OR2M3: variants seen among roughly 807,000 people sequenced by gnomAD.
The protein encoded by OR2M3 is olfactory receptor family 2 subfamily M member 3.
OR2M3 carries 1 observed loss-of-function variant against 4.3 expected under a neutral mutation model. The observed-to-expected ratio is 0.23, with a 90% confidence interval of 0.08 to 1.11. The LOEUF (loss-of-function observed/expected upper bound fraction) is 1.11. Among genes scored for constraint, OR2M3 ranks in the 50% most tolerant of loss-of-function variants. The pLI is 0.54. For missense variants in OR2M3, 410 were observed against 390.4 expected, an observed-to-expected ratio of 1.05 and a Z score of -0.42; for synonymous variants, 151 against 139.4, an observed-to-expected ratio of 1.08 and a Z score of -0.59.
rs199776326 is a variant in OR2M3 at position 248,203,553 on chromosome 1, A to G, written c.486A>G (p.Ala162=). The G allele has an allele frequency of 1.1e-5, 17 of 1,613,570 alleles. No individual in the cohort carries two copies. Among genetic ancestry groups the G allele is most frequent in the Non-Finnish European group, 1.4e-5 (16 of 1,179,776 alleles). ...CGGATGGAATTATTGATGTTGTAGC[A>G]ACATTTTCCTTCTCCTACTGTGGGT... ...GSTDGIIDVV[A]TFSFSYCGSR... Residue 162 remains alanine, a synonymous_variant, in exon 2 of 2, where the codon GCA becomes GCG. Coordinates refer to ENST00000641626, the MANE Select transcript of OR2M3 (RefSeq NM_001004689.2).
Position 248,204,418 on chromosome 1 carries a change from A to T in OR2M3, c.*412A>T, listed in dbSNP as rs913973766. 1 of 158,300 alleles carries T rather than the reference A, an allele frequency of 6.3e-6. No homozygotes were observed. Among genetic ancestry groups the T allele is most frequent in the African/African-American group, 2.4e-5 (1 of 41,422 alleles). 9.8% of individuals were successfully genotyped at this position (158,300 alleles called of 1,614,324 possible). A position where few individuals can be genotyped will look rare whatever the true frequency, so the allele number is the denominator to read the frequency against. ...CCCCGTATTTCCCTCATGTCCCCAAAGTCCAGTGTATCATTCTTATGACTT... is the reference window on the plus strand; with the variant it reads ...CCCCGTATTTCCCTCATGTCCCCAATGTCCAGTGTATCATTCTTATGACTT... On this transcript the variant is annotated 3_prime_UTR_variant, in exon 2 of 2. Transcript: ENST00000641626.
chr1:248,203,242 A>G lies in OR2M3; in HGVS notation c.175A>G (p.Met59Val). ...IYLDTQLHTP[M>V]YLLLSQLSLM... ...CCTGGACACCCAGCTCCACACCCCC[A>G]TGTACCTCCTCCTCAGCCAACTGTC... The change falls in exon 2 of 2, where the codon ATG (methionine) becomes GTG (valine). Residue 59 changes from methionine (M) to valine (V), a missense_variant. Met to Val is a conservative substitution (Grantham distance 21). Transcript: ENST00000641626. 6.2e-7 allele frequency: 1 copy of G among 1,613,854 alleles called. No homozygotes were observed. Among genetic ancestry groups the G allele is most frequent in the African/African-American group, 1.3e-5 (1 of 74,916 alleles).
chr1:248,197,879 C>T (rs1452661639), intron 1 of OR2M3, among the ~76,000 whole-genome samples: 1 of 151,998 alleles, frequency 6.6e-6, no homozygotes, highest in East Asian at 1.9e-4. Flanking sequence ...ATAAGGTATA[C>T]ATAGAACATA....
In OR2M3 at chr1:248,205,060, T is replaced by C. The variant is rs147925633; in HGVS notation, c.*1054T>C. ...TGTCAAGCATTTTTCTAGATGCTTGTTGGCTATTTATATATATTTATATAT... is the reference window on the plus strand; with the variant it reads ...TGTCAAGCATTTTTCTAGATGCTTGCTGGCTATTTATATATATTTATATAT... On this transcript the variant is annotated 3_prime_UTR_variant, in exon 2 of 2. Coordinates refer to ENST00000641626, the MANE Select transcript of OR2M3 (RefSeq NM_001004689.2). 6.6e-6 allele frequency: 1 copy of C among 152,114 alleles called. No homozygotes were observed. Among genetic ancestry groups the C allele is most frequent in the Non-Finnish European group, 1.5e-5 (1 of 67,990 alleles). The allele number at this position is 152,114 out of a possible 1,614,324, so 9.4% of individuals were successfully genotyped here.
chr1:248,212,799 A>C lies in OR2M3; in HGVS notation c.*8793A>C, dbSNP rs1321621809. 1.3e-5 allele frequency: 2 copies of C among 152,056 alleles called. No individual in the cohort carries two copies. The highest frequency in any genetic ancestry group is 2.9e-5 in the Non-Finnish European group (2 of 67,982). The allele number at this position is 152,056 out of a possible 1,614,324, so 9.4% of individuals were successfully genotyped here. On this transcript the variant is annotated 3_prime_UTR_variant, in exon 2 of 2. Coordinates refer to ENST00000641626, the MANE Select transcript of OR2M3 (RefSeq NM_001004689.2). ...GCAGACAGGACAATATTTATTCTAC[A>C]GAGTGTTGTTTTACAACATCCTATG...
chr1:248,210,834 CT>C lies in OR2M3; in HGVS notation c.*6832del, dbSNP rs1558254961. The C allele has an allele frequency of 6.6e-6, 1 of 152,278 alleles. No individual in the cohort carries two copies. Among genetic ancestry groups the C allele is most frequent in the Admixed American group, 6.5e-5 (1 of 15,284 alleles). The allele number at this position is 152,278 out of a possible 1,614,324, so 9.4% of individuals were successfully genotyped here. A position where few individuals can be genotyped will look rare whatever the true frequency, so the allele number is the denominator to read the frequency against. The stretch of plus-strand genomic sequence containing the variant: ...AATCCCACCACACTTTGCTGATTCT[CT>C]TTTCGGACTCAGCCCACCTGCACCC... On this transcript the variant is annotated 3_prime_UTR_variant, in exon 2 of 2. Coordinates refer to ENST00000641626, the MANE Select transcript of OR2M3 (RefSeq NM_001004689.2).
At chr1:248,197,966 G>A (rs10888324) in intron 1 of OR2M3, among the ~76,000 whole-genome samples, 115,885 of 152,014 alleles carry the variant, frequency 0.76, 44,319 homozygotes, top group South Asian at 0.91. Flanking sequence ...GTGTGAAAAA[G>A]AATCTGAAAT....
chr1:248,203,067 C>T lies in OR2M3; in HGVS notation c.-1C>T, dbSNP rs199907669. ...GGTACTAGGTAAAAAGCATACACAT[C>T]ATGGCAAGGGAGAATTCGACCTTCA... On this transcript the variant is annotated 5_prime_UTR_variant, in exon 2 of 2. Coordinates refer to ENST00000641626, the MANE Select transcript of OR2M3 (RefSeq NM_001004689.2). 1 of 1,609,848 alleles carries T rather than the reference C, an allele frequency of 6.2e-7. No individual in the cohort carries two copies. The highest frequency in any genetic ancestry group is 8.5e-7 in the Non-Finnish European group (1 of 1,177,864).
chr1:248,203,965 G>A lies in OR2M3; in HGVS notation c.898G>A (p.Ala300Thr). ...CCTCCGCAACAAGGAGGTGACCAGA[G>A]CATTCATGAAGATCTTAGGAAAGGG... Reference protein sequence around the residue: ...YSLRNKEVTRAFMKILGKGKS... With the variant: ...YSLRNKEVTRTFMKILGKGKS... Residue 300 changes from alanine to threonine, a missense_variant, in exon 2 of 2, where the codon GCA becomes ACA. Coordinates refer to ENST00000641626, the MANE Select transcript of OR2M3 (RefSeq NM_001004689.2). 5.0e-6 allele frequency: 8 copies of A among 1,613,842 alleles called. No individual in the cohort carries two copies. The highest frequency in any genetic ancestry group is 6.8e-6 in the Non-Finnish European group (8 of 1,179,908).
chr1:248,197,453 C>A (rs1666109207), intron 1 of OR2M3, among the ~76,000 whole-genome samples, 152 bp downstream of exon 1: 1 of 152,040 alleles, frequency 6.6e-6, no homozygotes, highest in Admixed American at 6.6e-5. Flanking sequence ...TTTATCTGTA[C>A]AATATTACTT....
Position 248,204,050 on chromosome 1 carries a change from T to C in OR2M3, c.*44T>C, listed in dbSNP as rs778577355. ...TGTTTTGCTGTGTGCTAAATCCTTT[T>C]TTTAAATGGTCCTATTTTTCCATTA... is the stretch of plus-strand genomic sequence containing the variant. On this transcript the variant is annotated 3_prime_UTR_variant, in exon 2 of 2. Coordinates refer to ENST00000641626, the MANE Select transcript of OR2M3 (RefSeq NM_001004689.2). 1.3e-6 allele frequency: 2 copies of C among 1,588,262 alleles called. No homozygotes were observed. The highest frequency in any genetic ancestry group is 1.7e-6 in the Non-Finnish European group (2 of 1,158,540).
rs915507988 is a variant in OR2M3, at chr1:248,210,662, A to G, written c.*6656A>G. 4.1e-5 allele frequency: 6 copies of G among 147,652 alleles called. No individual in the cohort carries two copies. The highest frequency in any genetic ancestry group is 1.3e-4 in the African/African-American group (5 of 37,562). 9.1% of individuals were successfully genotyped at this position (147,652 alleles called of 1,614,324 possible). ...TTTGTAATCTCCCCCACCCTTAAGA[A>G]GGTTCTTTGTAATCTCCCCAACTCT... On this transcript the variant is annotated 3_prime_UTR_variant, in exon 2 of 2. Coordinates refer to ENST00000641626, the MANE Select transcript of OR2M3 (RefSeq NM_001004689.2).
At chr1:248,198,418 T>A (rs1051431591) in intron 1 of OR2M3, among the ~76,000 whole-genome samples, 2 of 152,184 alleles carry the variant, frequency 1.3e-5, no homozygotes, top group Non-Finnish European at 2.9e-5. Context: ...TTAGTGCACA[T>A]GCAGGTTGCA....
chr1:248,207,314 C>G lies in OR2M3; in HGVS notation c.*3308C>G, dbSNP rs1171616262. On this transcript the variant is annotated 3_prime_UTR_variant, in exon 2 of 2. Transcript: ENST00000641626. The stretch of plus-strand genomic sequence containing the variant: ...TTTGTTTCAATTTCATTTAGTTCTG[C>G]TCTGATCTTCATTATTTCTTTTCTT... The G allele has an allele frequency of 1.3e-5, 2 of 151,764 alleles. No individual in the cohort carries two copies. Among genetic ancestry groups the G allele is most frequent in the Non-Finnish European group, 2.9e-5 (2 of 67,900 alleles). 9.4% of individuals were successfully genotyped at this position (151,764 alleles called of 1,614,324 possible).
chr1:248,198,610 A>C (rs545450705), intron 1 of OR2M3, among the ~76,000 whole-genome samples: 2 of 152,232 alleles, frequency 1.3e-5, no homozygotes, highest in East Asian at 3.9e-4. Flanking sequence ...TTTTTGATCA[A>C]ATTCTGGCCA....
Position 248,203,043 on chromosome 1 carries a change from G to A in OR2M3, c.-18-7G>A. 3 of 1,589,660 alleles carry A rather than the reference G, an allele frequency of 1.9e-6. No individual in the cohort carries two copies. The highest frequency in any genetic ancestry group is 2.6e-6 in the Non-Finnish European group (3 of 1,167,418). ...ACCAAATTAATACGCTGGTTTTGTGGTACTAGGTAAAAAGCATACACATCA... is the reference window on the plus strand; with the variant it reads ...ACCAAATTAATACGCTGGTTTTGTGATACTAGGTAAAAAGCATACACATCA... On this transcript the variant is annotated splice_polypyrimidine_tract_variant and splice_region_variant and intron_variant, in intron 1 of 1. Transcript: ENST00000641626.
At position 248,203,429 on chromosome 1, in the gene OR2M3, A is replaced by T; in HGVS notation, c.362A>T (p.Asp121Val). ...ECFLLAVMAY[D>V]RYTAICHPLR... is the part of the protein sequence containing the mutation. ...TTTCTTTTGGCTGTTATGGCTTATGACCGCTACACTGCCATTTGCCACCCT... is the reference window on the plus strand; with the variant it reads ...TTTCTTTTGGCTGTTATGGCTTATGTCCGCTACACTGCCATTTGCCACCCT... The change falls in exon 2 of 2, where the codon GAC (aspartate) becomes GTC (valine). Residue 121 changes from aspartate (D) to valine (V), a missense_variant. Physicochemically the swap from Asp to Val is radical, Grantham distance 152. Transcript: ENST00000641626. 6.2e-7 allele frequency: 1 copy of T among 1,613,894 alleles called. No homozygotes were observed. Among genetic ancestry groups the T allele is most frequent in the Non-Finnish European group, 8.5e-7 (1 of 1,179,914 alleles).
chr1:248,202,098 A>T (rs1287848965), intron 1 of OR2M3, among the ~76,000 whole-genome samples: 2 of 152,108 alleles, frequency 1.3e-5, no homozygotes, highest in African/African-American at 4.8e-5. Flanking sequence ...TTATTCTCTC[A>T]CAGTTTTGGA....
At position 248,203,431 on chromosome 1, in the gene OR2M3, C is replaced by A. The variant is rs143836422; in HGVS notation, c.364C>A (p.Arg122Ser). ...CFLLAVMAYD[R>S]YTAICHPLRY... ...TCTTTTGGCTGTTATGGCTTATGAC[C>A]GCTACACTGCCATTTGCCACCCTCT... The change falls in exon 2 of 2, where the codon CGC becomes AGC. Residue 122 changes from arginine (R) to serine (S), a missense_variant. Arg to Ser is a moderately radical substitution (Grantham distance 110). Transcript: ENST00000641626. The A allele has an allele frequency of 3.7e-6, 6 of 1,613,776 alleles. No individual in the cohort carries two copies. The highest frequency in any genetic ancestry group is 5.1e-6 in the Non-Finnish European group (6 of 1,179,918).
Sources: allele counts gnomAD v4.1 joint callset (sites outside exome capture counted in the v4.1 genomes callset), GRCh38; gene constraint gnomAD v4.1.1; transcripts MANE v1.5; gene names NCBI Gene and HGNC (gene_info 2026-07-23, HGNC 2026-07-21).